HEATR4: variants seen among roughly 807,000 people sequenced by gnomAD.
HEATR4 encodes the protein HEAT repeat-containing protein 4.
A neutral mutation model predicts 108.8 loss-of-function variants in HEATR4; 95 were observed. That is an observed-to-expected ratio of 0.87 (90% CI 0.74 to 1.04). The LOEUF (loss-of-function observed/expected upper bound fraction) is 1.04, where lower values mean the gene tolerates loss of function less well. Ranked by LOEUF, HEATR4 falls within the 50% of genes least tolerant of loss-of-function variation. The pLI is 0.00. For missense variants in HEATR4, 1,152 were observed against 1,253.8 expected (o/e 0.92, Z 1.23); for synonymous variants, 443 against 459.4 (o/e 0.96, Z 0.46).
upstream of HEATR4, among the ~76,000 whole-genome samples, chr14:73,561,475 G>T (rs1461989338): frequency 6.6e-6 from 1 of 151,484 alleles, no homozygotes. Flanking sequence ...ATTACTCAAG[G>T]TCAGGAGTTC....
upstream of HEATR4, among the ~76,000 whole-genome samples, chr14:73,563,509 C>T (rs1280782839): frequency 6.6e-6 from 1 of 151,946 alleles, no homozygotes; most frequent in South Asian, 2.1e-4. Context: ...GTAGGAGACT[C>T]ACTTGAACCC....
chr14:73,487,184 C>CAA (rs34910198), intron 17 of HEATR4, among the ~76,000 whole-genome samples: 27,140 of 135,246 alleles, frequency 0.2, 3,922 homozygotes, highest in East Asian at 0.47. Flanking sequence ...TGATTCAAAA[C>CAA]AAAAAAAAAA....
At chr14:73,513,926 A>C (rs1887427680) in intron 6 of HEATR4, 105 bp downstream of exon 6, 3 of 1,200,206 alleles carry the variant, frequency 2.5e-6, no homozygotes, top group African/African-American at 1.5e-5. Context: ...AGATTTTTAC[A>C]TTTCACAAAG....
chr14:73,595,277 A>T, the HEATR4 span: 2 of 1,614,078 alleles, frequency 1.2e-6, no homozygotes, highest in Non-Finnish European at 1.7e-6. Flanking sequence ...GGATATAAGG[A>T]ATGCTCTCGT....
chr14:73,561,032 GTGGAAGAT>G (rs956728121), upstream of HEATR4, among the ~76,000 whole-genome samples: 2 of 152,058 alleles, frequency 1.3e-5, no homozygotes, highest in Non-Finnish European at 2.9e-5. Flanking sequence ...TAAACAAAAT[GTGGAAGAT>G]ACATACAACA....
chr14:73,595,350 T>C, the HEATR4 span: 2 of 1,614,234 alleles, frequency 1.2e-6, no homozygotes, highest in Non-Finnish European at 1.7e-6. Flanking sequence ...ATCCTGCTCA[T>C]TGTTGGTCAG....
Position 73,545,977 on chromosome 14 carries a change from C to G in HEATR4, c.-152+12774G>C, listed in dbSNP as rs1316185657. 2.6e-5 allele frequency among the ~76,000 whole-genome samples: 3 copies of G among 113,346 alleles called. 1 individual carries two copies. The highest frequency in any genetic ancestry group is 1.9e-5 in the Non-Finnish European group (1 of 52,144). The allele number at this position is 113,346 out of a possible 152,430, so 74.4% of individuals were successfully genotyped here. ...CAGCCTGGGTAACATAGTGGGACAC[C>G]ATCTTATAAAAACAATTTTTTTTTG... On this transcript the variant is annotated intron_variant, in intron 1 of 17. Transcript: ENST00000553558.
rs574508995 is a variant in HEATR4 at position 73,533,582 on chromosome 14, G to C, written c.-151-3338C>G. On this transcript the variant is annotated intron_variant, in intron 1 of 17. Transcript: ENST00000553558. ...TAGTCCCAGCTACCTGGGAGGCTGAGGCAGGAGAATCACTTGATCCCAGGA... is the reference window on the plus strand; with the variant it reads ...TAGTCCCAGCTACCTGGGAGGCTGACGCAGGAGAATCACTTGATCCCAGGA... Among the ~76,000 whole-genome samples, 36 of 114,366 alleles carry C rather than the reference G, an allele frequency of 3.1e-4. 9 individuals carry two copies. Among genetic ancestry groups the C allele is most frequent in the African/African-American group, 1.0e-3 (36 of 35,126 alleles). The allele number at this position is 114,366 out of a possible 152,430, so 75.0% of individuals were successfully genotyped here. A position where few individuals can be genotyped will look rare whatever the true frequency, so the allele number is the denominator to read the frequency against.
chr14:73,565,276 C>G, the HEATR4 span, among the ~76,000 whole-genome samples: 1 of 152,004 alleles, frequency 6.6e-6, no homozygotes, highest in African/African-American at 2.4e-5. Context: ...ATATGAGTTT[C>G]TTTTCTAAAT....
chr14:73,512,036 G>A lies in HEATR4; in HGVS notation c.1528C>T (p.Pro510Ser). The change falls in exon 7 of 18, where the codon CCC becomes TCC. Residue 510 changes from proline (P) to serine (S), a missense_variant. Physicochemically the swap from Pro to Ser is moderately conservative, Grantham distance 74. Coordinates refer to ENST00000553558, the MANE Select transcript of HEATR4 (RefSeq NM_001220484.1). ...TCTCTCTGGCTGGTGGCAATCCGGG[G>A]CCGTTCCAAAGCAGCTGTGGCACAT... The part of the protein sequence containing the change: ...TTCATAALER[P>S]RIATSQRDSD... 1.2e-6 allele frequency: 2 copies of A among 1,614,004 alleles called. No homozygotes were observed. The highest frequency in any genetic ancestry group is 1.7e-6 in the Non-Finnish European group (2 of 1,179,946).
At chr14:73,597,793 C>A in the HEATR4 span, among the ~76,000 whole-genome samples, 38 of 151,200 alleles carry the variant, frequency 2.5e-4, no homozygotes, top group Admixed American at 2.0e-3. Context: ...AGGGTTTTAC[C>A]ATATTGGCCA....
At chr14:73,514,471 G>A (rs1180232074) in intron 5 of HEATR4, among the ~76,000 whole-genome samples, 2 of 151,842 alleles carry the variant, frequency 1.3e-5, no homozygotes, top group Non-Finnish European at 2.9e-5. Context: ...GATTTGTGGG[G>A]GGAAATTGAG....
intron 5 of HEATR4, among the ~76,000 whole-genome samples, chr14:73,518,308 G>A (rs1887751221): frequency 6.6e-6 from 1 of 151,436 alleles, no homozygotes; most frequent in Non-Finnish European, 1.5e-5. Context: ...GGAGGCTGAG[G>A]CAGGGGAATT....
the HEATR4 span, among the ~76,000 whole-genome samples, chr14:73,587,334 C>T: frequency 6.9e-6 from 1 of 145,764 alleles, no homozygotes; most frequent in Non-Finnish European, 1.5e-5. Context: ...TTGCTCCCCC[C>T]GCTCCCCTTT....
At chr14:73,499,283 C>G in intron 12 of HEATR4, 143 bp from the exon 13 acceptor site, 1 of 711,754 alleles carries the variant, frequency 1.4e-6, no homozygotes, top group Non-Finnish European at 2.5e-6. Flanking sequence ...GAGTTTGAGA[C>G]CAGCCTGGCC....
At chr14:73,590,492 T>C in the HEATR4 span, among the ~76,000 whole-genome samples, 1 of 152,216 alleles carries the variant, frequency 6.6e-6, no homozygotes, top group Non-Finnish European at 1.5e-5. Flanking sequence ...TTCTCAGCCC[T>C]TGGGCGGTCG....
chr14:73,527,119 C>T (rs938959850), intron 2 of HEATR4: 4 of 152,044 alleles, frequency 2.6e-5, no homozygotes, highest in Non-Finnish European at 4.4e-5. Flanking sequence ...CTGCAGAGAC[C>T]GTAGGCTTAA....
At chr14:73,554,846 T>C (rs1225779496) in intron 1 of HEATR4, among the ~76,000 whole-genome samples, 2 of 114,010 alleles carry the variant, frequency 1.8e-5, no homozygotes, top group African/African-American at 5.7e-5. Flanking sequence ...ACAATACTTA[T>C]CTGAAACTAT....
the HEATR4 span, among the ~76,000 whole-genome samples, chr14:73,632,675 C>T: frequency 5.3e-5 from 8 of 151,940 alleles, no homozygotes; most frequent in Admixed American, 5.2e-4. Flanking sequence ...GAAACCCCAT[C>T]TCTACTAAAA....
Sources: gnomAD v4.1 joint callset for allele counts (sites outside exome capture counted in the v4.1 genomes callset) on GRCh38, gnomAD v4.1.1 for gene constraint, MANE v1.5 for transcripts, NCBI Gene and HGNC (gene_info 2026-07-23, HGNC 2026-07-21) for gene names.